Variants in ABCC11 observed in about 807,000 individuals in gnomAD.
The protein encoded by ABCC11 is ATP-binding cassette sub-family C member 11.
Under a neutral mutation model 149.3 loss-of-function variants are expected in ABCC11, and 135 were observed. The observed-to-expected ratio is 0.90, with a 90% CI of 0.79 to 1.04. ABCC11 has a LOEUF of 1.04. Among genes scored for constraint, ABCC11 ranks in the 50% least tolerant of loss-of-function variants. ABCC11 has a pLI of 0.00. For synonymous variants in ABCC11, 665 were observed against 671.4 expected, an observed-to-expected ratio of 0.99 and a Z score of 0.15; for missense variants, 1,680 against 1,722.1, an observed-to-expected ratio of 0.98 and a Z score of 0.43.
intron 9 of ABCC11, among the ~76,000 whole-genome samples, chr16:48,213,915 A>G (rs1439870472): frequency 6.6e-6 from 1 of 152,294 alleles, no homozygotes; most frequent in East Asian, 1.9e-4. Flanking sequence ...CTTCCTTTCA[A>G]TGTAGCTTGG....
intron 1 of ABCC11, among the ~76,000 whole-genome samples, chr16:48,236,017 G>A (rs1970669066): frequency 1.3e-5 from 2 of 152,192 alleles, no homozygotes; most frequent in African/African-American, 4.8e-5. Flanking sequence ...TTAAGGAAGT[G>A]TCCAGGGCAA....
chr16:48,216,899 G>A (rs1468321189), intron 6 of ABCC11, among the ~76,000 whole-genome samples: 1 of 152,156 alleles, frequency 6.6e-6, no homozygotes, highest in Admixed American at 6.5e-5. Context: ...GAAGAGACAT[G>A]AAGAGATCAC....
At chr16:48,167,775 T>G in intron 28 of ABCC11, 115 bp from the exon 29 acceptor site, 1 of 1,196,766 alleles carries the variant, frequency 8.4e-7, no homozygotes, top group Non-Finnish European at 1.2e-6. Context: ...TCCATTTCTT[T>G]AGCTGGGAAA....
chr16:48,200,207 T>G (rs1281199519), intron 15 of ABCC11, 69 bp downstream of exon 15: 1 of 1,505,222 alleles, frequency 6.6e-7, no homozygotes, highest in Non-Finnish European at 9.1e-7. Context: ...AATCACACTC[T>G]GAAATGGCAA....
At chr16:48,237,633 T>C (rs535183505) in intron 1 of ABCC11, among the ~76,000 whole-genome samples, 59 of 152,332 alleles carry the variant, frequency 3.9e-4, no homozygotes, top group African/African-American at 1.3e-3. Flanking sequence ...ATCTCTCCCA[T>C]GGCTTCCGTC....
chr16:48,202,336 C>T (rs980801309), intron 14 of ABCC11, among the ~76,000 whole-genome samples: 4 of 152,088 alleles, frequency 2.6e-5, no homozygotes, highest in Non-Finnish European at 4.4e-5. Context: ...ATAGGCCAAG[C>T]GCAGTAGCTC....
At chr16:48,195,222 G>C (rs1163718869) in intron 18 of ABCC11, among the ~76,000 whole-genome samples, 2 of 152,212 alleles carry the variant, frequency 1.3e-5, no homozygotes, top group African/African-American at 4.8e-5. Context: ...TTCCAGGGTT[G>C]GTTCTTAGAT....
At chr16:48,188,850 A>C (rs1453700194) in intron 20 of ABCC11, among the ~76,000 whole-genome samples, 1 of 152,254 alleles carries the variant, frequency 6.6e-6, no homozygotes, top group Non-Finnish European at 1.5e-5. Flanking sequence ...TAATGCAAGA[A>C]GTAGAAATGA....
At chr16:48,213,382 G>C (rs1969081362) in intron 10 of ABCC11, 61 bp downstream of exon 10, 4 of 1,447,842 alleles carry the variant, frequency 2.8e-6, no homozygotes, top group Non-Finnish European at 3.8e-6. Context: ...GAACATCATG[G>C]GGGCTGAAGG....
At position 48,214,900 on chromosome 16, in the gene ABCC11, A is replaced by C. The variant is rs766550770; in HGVS notation, c.1229T>G (p.Leu410Arg). The change falls in exon 9 of 30, where the codon CTG (leucine) becomes CGG (arginine). Residue 410 changes from leucine to arginine, a missense_variant. Leu to Arg is a moderately radical substitution (Grantham distance 102). Transcript: ENST00000356608. ...VWVLIHTSLK[L>R]KLTASMAFSM... is the part of the protein sequence containing the mutation. ...CCTTACCATTGACGCTGTGAGTTTC[A>C]GCTTTAAGGATGTGTGGATGAGAAC... 20 of 1,614,094 alleles carry C rather than the reference A, an allele frequency of 1.2e-5. No homozygotes were observed. The highest frequency in any genetic ancestry group is 1.5e-5 in the Non-Finnish European group (18 of 1,180,048).
Position 48,175,412 on chromosome 16 carries a change from A to ATGG in ABCC11, c.3543_3544insCCA (p.Lys1181_Ser1182insPro), listed in dbSNP as rs1965989792. 6.2e-7 allele frequency: 1 copy of ATGG among 1,607,130 alleles called. No individual in the cohort carries two copies. Among genetic ancestry groups the ATGG allele is most frequent in the South Asian group, 1.1e-5 (1 of 90,868 alleles). ...CGGAAGAGAGCCATGCCCAAGGAGG[A>ATGG]CTTCCCTGTGGGGCAAGAAACAAGC... On this transcript the variant is annotated inframe_insertion, in exon 26 of 30. Transcript: ENST00000356608.
intron 11 of ABCC11, chr16:48,210,618 G>A (rs1596780502): frequency 3.4e-6 from 1 of 294,450 alleles, no homozygotes; most frequent in East Asian, 6.4e-5. Flanking sequence ...ATAGTGCTTG[G>A]CACATACGAG....
chr16:48,234,964 A>G (rs1970615881), intron 1 of ABCC11, among the ~76,000 whole-genome samples: 5 of 152,214 alleles, frequency 3.3e-5, no homozygotes, highest in Admixed American at 3.3e-4. Flanking sequence ...TCCTAGACAG[A>G]GCCTTTAGTG....
At chr16:48,201,922 T>C (rs915119548) in intron 14 of ABCC11, among the ~76,000 whole-genome samples, 1 of 152,214 alleles carries the variant, frequency 6.6e-6, no homozygotes, top group African/African-American at 2.4e-5. Flanking sequence ...TGTTCTATCC[T>C]GACTGCTTGA....
chr16:48,234,081 A>C (rs978399909), intron 1 of ABCC11, among the ~76,000 whole-genome samples: 1 of 152,246 alleles, frequency 6.6e-6, no homozygotes, highest in Non-Finnish European at 1.5e-5. Context: ...ACAATCAACA[A>C]AATGATAAAT....
intron 12 of ABCC11, among the ~76,000 whole-genome samples, chr16:48,206,011 C>T (rs1333955605): frequency 2.0e-5 from 3 of 152,156 alleles, no homozygotes; most frequent in African/African-American, 4.8e-5. Context: ...AGGGTTTCAC[C>T]GTGTTAGCCA....
chr16:48,197,385 C>T (rs923395533), intron 17 of ABCC11, among the ~76,000 whole-genome samples: 4 of 152,030 alleles, frequency 2.6e-5, no homozygotes, highest in East Asian at 1.9e-4. Context: ...TAGGGGGCTT[C>T]CCTATATATG....
At chr16:48,176,897 G>A (rs771670319) in intron 25 of ABCC11, 27 bp downstream of exon 25, 1 of 1,607,912 alleles carries the variant, frequency 6.2e-7, no homozygotes, top group Admixed American at 1.7e-5. Context: ...AGGAGCTGGG[G>A]ACGCTCGCCC....
At chr16:48,186,716 C>G (rs188209096) in intron 22 of ABCC11, among the ~76,000 whole-genome samples, 3 of 152,100 alleles carry the variant, frequency 2.0e-5, no homozygotes, top group Non-Finnish European at 4.4e-5. Flanking sequence ...TATATATATA[C>G]ACAATATATA....
Sources: allele counts gnomAD v4.1 joint callset (sites outside exome capture counted in the v4.1 genomes callset), GRCh38; gene constraint gnomAD v4.1.1; transcripts MANE v1.5; gene names NCBI Gene and HGNC (gene_info 2026-07-23, HGNC 2026-07-21).